Variants in BPI observed in about 807,000 individuals in gnomAD.
BPI encodes the protein bactericidal permeability increasing protein, also known as bactericidal permeability-increasing protein.
A neutral mutation model predicts 57.6 loss-of-function variants in BPI; 48 were observed. The observed-to-expected ratio is 0.83, with a 90% confidence interval of 0.66 to 1.06. The LOEUF is 1.06. BPI is among the 50% of genes least tolerant of loss of function. BPI has a pLI of 0.00. For missense variants in BPI, 651 were observed against 609.7 expected, an observed-to-expected ratio of 1.07 and a Z score of -0.71; for synonymous variants, 237 against 238.2, an observed-to-expected ratio of 0.99 and a Z score of 0.05.
chr20:38,329,219 G>A (rs1040326882), intron 11 of BPI, among the ~76,000 whole-genome samples: 2 of 151,332 alleles, frequency 1.3e-5, no homozygotes, highest in Admixed American at 6.6e-5. Context: ...GGAGGGAGTC[G>A]GGGGGCAGAG....
In BPI at chr20:38,331,650, C is replaced by A. The variant is rs898321380; in HGVS notation, c.1272+560C>A. Among the ~76,000 whole-genome samples, 3 of 151,996 alleles carry A rather than the reference C, an allele frequency of 2.0e-5. No individual in the cohort carries two copies. In the East Asian group the frequency reaches 5.8e-4, roughly 29 times the overall value. ...CTTGAGGTTAGGACTTCAAGACCAG[C>A]CTGGGCAACATAGCAAGACCTCATC... On this transcript the variant is annotated intron_variant, in intron 12 of 14. Coordinates refer to ENST00000642449, the MANE Select transcript of BPI (RefSeq NM_001725.3).
rs5741807 is a variant in BPI, at chr20:38,324,717, C to G, written c.934-57C>G. ...TCTCACCCCGATACAGAACTCACCC[C>G]CTCTGCTCCGTCTGTAACAGCATCC... On this transcript the variant is annotated intron_variant, in intron 8 of 14. Coordinates refer to ENST00000642449, the MANE Select transcript of BPI (RefSeq NM_001725.3). The G allele has an allele frequency of 5.9e-3, 8,393 of 1,421,630 alleles. 226 individuals are homozygous for G. In the African/African-American group the frequency reaches 0.078, roughly 13 times the overall value. 88.1% of individuals were successfully genotyped at this position (1,421,630 alleles called of 1,614,324 possible).
Position 38,313,393 on chromosome 20 carries a change from A to T in BPI, c.600+1456A>T, listed in dbSNP as rs5841291. On this transcript the variant is annotated intron_variant, in intron 5 of 14. Coordinates refer to ENST00000642449, the MANE Select transcript of BPI (RefSeq NM_001725.3). ...AGTGAAACCCTGTCTCAAAAAAAAA[A>T]AAAAAAAAAAAAAAAAAAAAGGGTA... Among the ~76,000 whole-genome samples, 317 of 40,904 alleles carry T rather than the reference A, an allele frequency of 7.7e-3. 4 individuals are homozygous for T. The highest frequency in any genetic ancestry group is 0.051 in the East Asian group (157 of 3,106). The allele number at this position is 40,904 out of a possible 152,430, so 26.8% of individuals were successfully genotyped here.
In BPI at chr20:38,326,430, A is replaced by C. The variant is rs748970852; in HGVS notation, c.1159A>C (p.Met387Leu). The C allele has an allele frequency of 1.2e-6, 2 of 1,612,628 alleles. No individual in the cohort carries two copies. Among genetic ancestry groups the C allele is most frequent in the Non-Finnish European group, 1.7e-6 (2 of 1,179,378 alleles). ...CCTGGCTTCCCTCTTCCTGATTGGC[A>C]TGGTAAGCAGTTCCTGGGTTGGACA... ...SSLASLFLIGMHTTGSMEVSA... is the reference protein window; with the variant it reads ...SSLASLFLIGLHTTGSMEVSA... Residue 387 changes from methionine to leucine, a missense_variant and splice_region_variant, in exon 10 of 15, where the codon ATG (methionine) becomes CTG (leucine). Coordinates refer to ENST00000642449, the MANE Select transcript of BPI (RefSeq NM_001725.3).
At position 38,310,472 on chromosome 20, in the gene BPI, CCT is replaced by C. The variant is rs2076616471; in HGVS notation, c.375-16_375-15del. 8 of 1,608,406 alleles carry C rather than the reference CCT, an allele frequency of 5.0e-6. No homozygotes were observed. Among genetic ancestry groups the C allele is most frequent in the Non-Finnish European group, 6.8e-6 (8 of 1,175,532 alleles). On this transcript the variant is annotated splice_polypyrimidine_tract_variant and intron_variant, in intron 3 of 14. Coordinates refer to ENST00000642449, the MANE Select transcript of BPI (RefSeq NM_001725.3). ...GGGAAGAAAGGACTTGTCCCACATT[CCT>C]CTTTGTTCTTCTTCAGAAAAATGAG...
Position 38,312,926 on chromosome 20 carries a change from G to A in BPI, c.600+989G>A, listed in dbSNP as rs191341337. ...ATGGCAAGAGTGGAGCCAGTGGCTC[G>A]GTTGGGATTAGATGGGACAGTTCCA... On this transcript the variant is annotated intron_variant, in intron 5 of 14. Transcript: ENST00000642449. 5.3e-4 allele frequency among the ~76,000 whole-genome samples: 80 copies of A among 152,232 alleles called. No homozygotes were observed. The East Asian group carries it at 0.013, about 24-fold the overall frequency.
chr20:38,322,466 G>A lies in BPI; in HGVS notation c.757-1404G>A, dbSNP rs557555322. 2.0e-5 allele frequency among the ~76,000 whole-genome samples: 3 copies of A among 152,276 alleles called. No individual in the cohort carries two copies. In the South Asian group the frequency reaches 6.2e-4, roughly 32 times the overall value. ...AGTGTGTTAACCTCCCAGGTCCCTGGTTCTAAGCACTCACATAAATGCATA... is the reference window on the plus strand; with the variant it reads ...AGTGTGTTAACCTCCCAGGTCCCTGATTCTAAGCACTCACATAAATGCATA... On this transcript the variant is annotated intron_variant, in intron 7 of 14. Coordinates refer to ENST00000642449, the MANE Select transcript of BPI (RefSeq NM_001725.3).
intron 11 of BPI, 60 bp downstream of exon 11, chr20:38,327,715 G>A: frequency 6.4e-7 from 1 of 1,572,248 alleles, no homozygotes; most frequent in South Asian, 1.1e-5. Context: ...TCTGTGGGAT[G>A]ACAGTGGTCC....
intron 13 of BPI, among the ~76,000 whole-genome samples, chr20:38,334,990 A>G (rs1600715702): frequency 6.6e-6 from 1 of 152,274 alleles, no homozygotes; most frequent in East Asian, 1.9e-4. Context: ...GAGGGGCAAA[A>G]GTACTAATAG....
At position 38,310,031 on chromosome 20, in the gene BPI, C is replaced by T. The variant is rs576376303; in HGVS notation, c.375-460C>T. Among the ~76,000 whole-genome samples the T allele has an allele frequency of 2.3e-4, 35 of 152,312 alleles. 1 individual carries two copies. The South Asian group carries it at 3.3e-3, about 14-fold the overall frequency. On this transcript the variant is annotated intron_variant, in intron 3 of 14. Coordinates refer to ENST00000642449, the MANE Select transcript of BPI (RefSeq NM_001725.3). ...AACAAAAGAATGTCCACTGTCTCAACCAAAACCCATTTCATCCCTGAAGGA... is the reference window on the plus strand; with the variant it reads ...AACAAAAGAATGTCCACTGTCTCAATCAAAACCCATTTCATCCCTGAAGGA...
intron 4 of BPI, among the ~76,000 whole-genome samples, chr20:38,311,650 G>T (rs1263293655): frequency 6.6e-6 from 1 of 152,134 alleles, no homozygotes; most frequent in Non-Finnish European, 1.5e-5. Flanking sequence ...GAATGAGACT[G>T]GGACGGGGGC....
intron 11 of BPI, among the ~76,000 whole-genome samples, chr20:38,328,499 G>A (rs7269817): frequency 0.051 from 7,687 of 151,742 alleles, 684 homozygotes; most frequent in East Asian, 0.42. Context: ...GCAGTGAGCC[G>A]AGATCGCCCC....
At chr20:38,306,840 G>A (rs2076598949) in intron 1 of BPI, among the ~76,000 whole-genome samples, 1 of 152,092 alleles carries the variant, frequency 6.6e-6, no homozygotes. Flanking sequence ...CTCCGTTTTT[G>A]TATGGCTTAT....
At chr20:38,318,374 T>C (rs1280283543) in intron 5 of BPI, 39 bp from the exon 6 acceptor site, 6 of 1,579,392 alleles carry the variant, frequency 3.8e-6, no homozygotes, top group Middle Eastern at 1.7e-4. Flanking sequence ...TTTTTCACTA[T>C]GGGAAGACCT....
intron 5 of BPI, among the ~76,000 whole-genome samples, chr20:38,312,995 A>G (rs549396939): frequency 1.3e-5 from 2 of 152,282 alleles, no homozygotes; most frequent in South Asian, 4.2e-4. Context: ...GTAGGGTCTC[A>G]GGGAAGGTTT....
intron 14 of BPI, 59 bp from the exon 15 acceptor site, chr20:38,337,087 C>T: frequency 6.4e-7 from 1 of 1,553,000 alleles, no homozygotes; most frequent in Non-Finnish European, 8.8e-7. Flanking sequence ...CCAGTAGCTC[C>T]ACACTCACAA....
chr20:38,319,526 G>T (rs1264471097), intron 6 of BPI, among the ~76,000 whole-genome samples: 6 of 152,208 alleles, frequency 3.9e-5, no homozygotes, highest in African/African-American at 1.4e-4. Context: ...CCAAGGTTTG[G>T]CCTCAAGAGG....
chr20:38,329,208 G>A (rs2076729754), intron 11 of BPI, among the ~76,000 whole-genome samples: 1 of 152,014 alleles, frequency 6.6e-6, no homozygotes, highest in South Asian at 2.1e-4. Context: ...GAGAAACAGA[G>A]GGAGGGAGTC....
chr20:38,316,558 A>C (rs2122517482), intron 5 of BPI, among the ~76,000 whole-genome samples: 1 of 152,298 alleles, frequency 6.6e-6, no homozygotes, highest in South Asian at 2.1e-4. Context: ...GTTTGGGTGC[A>C]AGTCATTTAT....
Sources: gnomAD v4.1 joint callset for allele counts (sites outside exome capture counted in the v4.1 genomes callset) on GRCh38, gnomAD v4.1.1 for gene constraint, MANE v1.5 for transcripts, NCBI Gene and HGNC (gene_info 2026-07-23, HGNC 2026-07-21) for gene names.